Variants in NLRP9 observed in about 807,000 individuals in gnomAD.
NLRP9 encodes the protein NACHT, LRR and PYD domains-containing protein 9.
Under a neutral mutation model 83.1 loss-of-function variants are expected in NLRP9, and 88 were observed. That is an observed-to-expected ratio of 1.06 (90% CI 0.89 to 1.26). NLRP9 has a LOEUF of 1.26. NLRP9 is among the 50% of genes most tolerant of loss of function. The pLI is 0.00. For synonymous variants in NLRP9, 521 were observed against 447.6 expected (o/e 1.16, Z -2.07); for missense variants, 1,308 against 1,179.3 (o/e 1.11, Z -1.60).
rs573321469 is a variant in NLRP9 at position 55,730,099 on chromosome 19, C to G, written c.1833-107G>C. 1,017 of 1,014,804 alleles carry G rather than the reference C, an allele frequency of 1.0e-3. 3 individuals are homozygous for G. The highest frequency in any genetic ancestry group is 1.4e-3 in the Non-Finnish European group (931 of 687,238). 62.9% of individuals were successfully genotyped at this position (1,014,804 alleles called of 1,614,324 possible). ...AAAGCACCTCAAAGCTGACAGACAC[C>G]CAGGCCTGAACAGGGAGAAGGTCAG... On this transcript the variant is annotated intron_variant, in intron 2 of 8. Coordinates refer to ENST00000332836, the MANE Select transcript of NLRP9 (RefSeq NM_176820.4).
At chr19:55,725,657 G>C (rs1214585711) in intron 3 of NLRP9, among the ~76,000 whole-genome samples, 1 of 152,160 alleles carries the variant, frequency 6.6e-6, no homozygotes, top group Non-Finnish European at 1.5e-5. Flanking sequence ...ACAGGGCGGT[G>C]AGGTGTACAG....
chr19:55,708,960 A>T lies in NLRP9; in HGVS notation c.2928T>A (p.His976Gln). The T allele has an allele frequency of 6.3e-7, 1 of 1,588,980 alleles. No individual in the cohort carries two copies. Among genetic ancestry groups the T allele is most frequent in the South Asian group, 1.2e-5 (1 of 85,710 alleles). Residue 976 changes from histidine (H) to glutamine (Q), a missense_variant, in exon 9 of 9, where the codon CAT becomes CAA. Transcript: ENST00000332836. ...EEKIPHLTIS[H>Q]GPWIDEEYKI... Reference sequence around the variant, plus strand: ...TGTATTCCTCGTCAATCCAAGGTCCATGTGAAATGGTCAGATGGGGAATTT... The same window carrying T: ...TGTATTCCTCGTCAATCCAAGGTCCTTGTGAAATGGTCAGATGGGGAATTT...
At chr19:55,715,033 A>G in intron 6 of NLRP9, 22 bp downstream of exon 6, 6 of 1,585,400 alleles carry the variant, frequency 3.8e-6, no homozygotes, top group Non-Finnish European at 5.1e-6. Flanking sequence ...CTGACATTGA[A>G]GCAAATCATG....
chr19:55,712,341 T>G, intron 7 of NLRP9, 79 bp downstream of exon 7: 2 of 1,244,976 alleles, frequency 1.6e-6, no homozygotes, highest in Non-Finnish European at 2.3e-6. Context: ...CTGCCTCCCT[T>G]CCATTCTATT....
intron 1 of NLRP9, 100 bp from the exon 2 acceptor site, chr19:55,733,650 G>T: frequency 2.8e-6 from 2 of 711,912 alleles, no homozygotes; most frequent in Non-Finnish European, 4.6e-6. Flanking sequence ...ATACTCGCCA[G>T]CCATCTGAAG....
At chr19:55,720,665 A>G (rs549451598) in intron 4 of NLRP9, among the ~76,000 whole-genome samples, 1 of 152,286 alleles carries the variant, frequency 6.6e-6, no homozygotes, top group East Asian at 1.9e-4. Context: ...GCAGCTGAAC[A>G]CGAAAAGACA....
rs768887694 is a variant in NLRP9 at position 55,732,508 on chromosome 19, A to G, written c.1323T>C (p.Phe441=). ...CTTGGATACACAGATGCATGAAGGCAAAACAGTCCCCTCTCCTTTGGAGGA... is the reference window on the plus strand; with the variant it reads ...CTTGGATACACAGATGCATGAAGGCGAAACAGTCCCCTCTCCTTTGGAGGA... The part of the protein sequence containing the change: ...MRLLQRRGDC[F]AFMHLCIQEF... The change falls in exon 2 of 9, where the codon TTT becomes TTC. Residue 441 remains phenylalanine (F), a synonymous_variant. Coordinates refer to ENST00000332836, the MANE Select transcript of NLRP9 (RefSeq NM_176820.4). The G allele has an allele frequency of 1.2e-6, 2 of 1,614,256 alleles. No homozygotes were observed. The highest frequency in any genetic ancestry group is 2.7e-5 in the African/African-American group (2 of 75,066).
chr19:55,734,032 C>T (rs1988701472), intron 1 of NLRP9, among the ~76,000 whole-genome samples: 1 of 150,926 alleles, frequency 6.6e-6, no homozygotes, highest in Non-Finnish European at 1.5e-5. Flanking sequence ...ACGCCATTCT[C>T]CTGCCGCAGC....
rs755865728 is a variant in NLRP9 at position 55,711,906 on chromosome 19, T to G, written c.2737A>C (p.Lys913Gln). 6.8e-6 allele frequency: 11 copies of G among 1,613,200 alleles called. No homozygotes were observed. Among genetic ancestry groups the G allele is most frequent in the Non-Finnish European group, 8.5e-6 (10 of 1,179,968 alleles). Residue 913 changes from lysine (K) to glutamine (Q), a missense_variant, in exon 8 of 9, where the codon AAA becomes CAA. Lys to Gln is a moderately conservative substitution (Grantham distance 53, BLOSUM62 1). Coordinates refer to ENST00000332836, the MANE Select transcript of NLRP9 (RefSeq NM_176820.4). ...DDIAAALIACKTLRSLNLDWI... is the reference protein window; with the variant it reads ...DDIAAALIACQTLRSLNLDWI... ...TCGAGGTTCAGGCTCCTCAGTGTTT[T>G]GCAGGCGATGAGTGCTGCGGCGATG...
chr19:55,709,056 G>C lies in NLRP9; in HGVS notation c.2844-12C>G. On this transcript the variant is annotated splice_polypyrimidine_tract_variant and intron_variant, in intron 8 of 8. Transcript: ENST00000332836. ...CAGATTTGTGCAGCCTGGGAAAATAGAAATAAAGTTTTTTTTTTTGTTTTT... is the reference window on the plus strand; with the variant it reads ...CAGATTTGTGCAGCCTGGGAAAATACAAATAAAGTTTTTTTTTTTGTTTTT... 1.3e-6 allele frequency: 2 copies of C among 1,549,636 alleles called. No individual in the cohort carries two copies. Among genetic ancestry groups the C allele is most frequent in the African/African-American group, 1.4e-5 (1 of 70,574 alleles).
intron 4 of NLRP9, among the ~76,000 whole-genome samples, chr19:55,723,593 T>G (rs1055057716): frequency 2.6e-5 from 4 of 151,894 alleles, no homozygotes; most frequent in African/African-American, 9.7e-5. Flanking sequence ...CTGGGTATGG[T>G]GGCGTGCACC....
Position 55,732,423 on chromosome 19 carries a change from T to C in NLRP9, c.1408A>G (p.Ile470Val), listed in dbSNP as rs369674268. The C allele has an allele frequency of 3.1e-6, 5 of 1,614,122 alleles. No individual in the cohort carries two copies. Among genetic ancestry groups the C allele is most frequent in the East Asian group, 2.2e-5 (1 of 44,904 alleles). The change falls in exon 2 of 9, where the codon ATT becomes GTT. Residue 470 changes from isoleucine (I) to valine (V), a missense_variant. Coordinates refer to ENST00000332836, the MANE Select transcript of NLRP9 (RefSeq NM_176820.4). ...CTTACAAGCTGGGTTATGCTTCCAA[T>C]GGCCGGGTTAGGATCGTCTTTGGGT... ...KRPKDDPNPA[I>V]GSITQLVRAS...
chr19:55,710,088 T>A (rs1377905797), intron 8 of NLRP9, among the ~76,000 whole-genome samples: 1 of 152,170 alleles, frequency 6.6e-6, no homozygotes. Context: ...GTAGGGAAGA[T>A]GGCTAAGTTT....
At chr19:55,731,638 C>T (rs950626997) in intron 2 of NLRP9, among the ~76,000 whole-genome samples, 2 of 150,354 alleles carry the variant, frequency 1.3e-5, no homozygotes, top group Non-Finnish European at 2.9e-5. Context: ...GCAGGAGAGT[C>T]GCTTGAACCT....
chr19:55,732,287 A>G lies in NLRP9; in HGVS notation c.1544T>C (p.Leu515Pro). ...SMLETSFGFP[L>P]SKDLKQEITQ... ...TATTTCCTGCTTTAGGTCTTTTGAC[A>G]GTGGAAAACCAAAGGAGGTCTCCAG... The change falls in exon 2 of 9, where the codon CTG becomes CCG. Residue 515 changes from leucine (L) to proline (P), a missense_variant. By Grantham distance (98) the Leu-to-Pro change is moderately conservative (BLOSUM62 -3). Transcript: ENST00000332836. 1 of 1,614,206 alleles carries G rather than the reference A, an allele frequency of 6.2e-7. No individual in the cohort carries two copies. The highest frequency in any genetic ancestry group is 1.1e-5 in the South Asian group (1 of 91,076).
At position 55,732,813 on chromosome 19, in the gene NLRP9, A is replaced by G. The variant is rs1197735682; in HGVS notation, c.1018T>C (p.Cys340Arg). 4 of 1,614,178 alleles carry G rather than the reference A, an allele frequency of 2.5e-6. No individual in the cohort carries two copies. The highest frequency in any genetic ancestry group is 3.4e-6 in the Non-Finnish European group (4 of 1,180,046). Reference sequence around the variant, plus strand: ...TTCACACAAGTACAGACCAACCAGCACGTAAAGGGATTATGGCACAAGATA... The same window carrying G: ...TTCACACAAGTACAGACCAACCAGCGCGTAAAGGGATTATGGCACAAGATA... ...LFILCHNPFT[C>R]WLVCTCVKQR... The change falls in exon 2 of 9, where the codon TGC becomes CGC. Residue 340 changes from cysteine (C) to arginine (R), a missense_variant. Coordinates refer to ENST00000332836, the MANE Select transcript of NLRP9 (RefSeq NM_176820.4).
At chr19:55,723,085 T>G (rs1335521289) in intron 4 of NLRP9, among the ~76,000 whole-genome samples, 1 of 152,066 alleles carries the variant, frequency 6.6e-6, no homozygotes, top group Non-Finnish European at 1.5e-5. Context: ...ACATGGCACA[T>G]GTATACCTAT....
chr19:55,712,627 T>C lies in NLRP9; in HGVS notation c.2502-37A>G, dbSNP rs149940917. On this transcript the variant is annotated intron_variant, in intron 6 of 8. Coordinates refer to ENST00000332836, the MANE Select transcript of NLRP9 (RefSeq NM_176820.4). ...GAAGACACACAAATACGTACACTTATGAGGTCAATCATAACAGCCCACCTT... is the reference window on the plus strand; with the variant it reads ...GAAGACACACAAATACGTACACTTACGAGGTCAATCATAACAGCCCACCTT... The C allele has an allele frequency of 1.5e-3, 2,374 of 1,585,316 alleles. 4 individuals carry two copies. The highest frequency in any genetic ancestry group is 1.8e-3 in the Non-Finnish European group (2,116 of 1,158,018).
intron 6 of NLRP9, among the ~76,000 whole-genome samples, chr19:55,713,220 G>A (rs1188667149): frequency 6.6e-6 from 1 of 151,116 alleles, no homozygotes; most frequent in African/African-American, 2.4e-5. Flanking sequence ...TGACTATTTT[G>A]TATATCATGT....
Sources: allele counts gnomAD v4.1 joint callset (sites outside exome capture counted in the v4.1 genomes callset), GRCh38; gene constraint gnomAD v4.1.1; transcripts MANE v1.5; gene names NCBI Gene and HGNC (gene_info 2026-07-23, HGNC 2026-07-21).